Variants in NT5C2 observed in about 807,000 individuals in gnomAD.
The protein encoded by NT5C2 is cytosolic purine 5'-nucleotidase.
NT5C2 carries 58 observed loss-of-function variants against 76.1 expected under a neutral mutation model. The ratio of observed to expected loss-of-function variants is 0.76; its 90% confidence interval spans 0.62 to 0.95. The LOEUF is 0.95. Ranked by LOEUF, NT5C2 falls within the 40% of genes least tolerant of loss-of-function variation. NT5C2 has a pLI of 0.00. For missense variants in NT5C2, 478 were observed against 690.3 expected, an observed-to-expected ratio of 0.69 and a Z score of 3.45; for synonymous variants, 229 against 237.4, an observed-to-expected ratio of 0.96 and a Z score of 0.32.
At position 103,093,297 on chromosome 10, in the gene NT5C2, G is replaced by GT; in HGVS notation, c.1000dup (p.Thr334AsnfsTer4). The GT allele has an allele frequency of 6.3e-7, 1 of 1,582,890 alleles. No homozygotes were observed. The highest frequency in any genetic ancestry group is 1.2e-5 in the South Asian group (1 of 84,054). ...CTTGGCTCCCAACAGGTCACAGATC[G>GT]TATCAGAAGAACCTGAACCAACAGA... On this transcript the variant is annotated frameshift_variant, in exon 15 of 19. Coordinates refer to ENST00000404739, the MANE Select transcript of NT5C2 (RefSeq NM_001351169.2). LOFTEE classifies it high-confidence loss of function.
At chr10:103,101,365 A>G (rs757982300) in intron 6 of NT5C2, 39 bp from the exon 7 acceptor site, 10 of 1,134,100 alleles carry the variant, frequency 8.8e-6, no homozygotes, top group African/African-American at 1.6e-5. Context: ...TTTTTAAAAT[A>G]ACATTATAAT....
At chr10:103,165,081 G>A (rs12773916) in intron 3 of NT5C2, among the ~76,000 whole-genome samples, 16,289 of 152,248 alleles carry the variant, frequency 0.11, 1,136 homozygotes, top group Non-Finnish European at 0.15. Flanking sequence ...AGGTGTCACT[G>A]TGAAAATTTT....
chr10:103,168,742 T>C (rs966453023), intron 3 of NT5C2, among the ~76,000 whole-genome samples: 6 of 152,208 alleles, frequency 3.9e-5, no homozygotes, highest in East Asian at 1.9e-4. Flanking sequence ...CATCTCTATA[T>C]TGAAATTCAG....
At chr10:103,102,249 C>A (rs1028354181) in intron 6 of NT5C2, among the ~76,000 whole-genome samples, 3 of 152,038 alleles carry the variant, frequency 2.0e-5, no homozygotes, top group Non-Finnish European at 4.4e-5. Flanking sequence ...AAGCAGAGAC[C>A]TAGAAAAACA....
chr10:103,096,845 C>CAAA (rs71019656), intron 11 of NT5C2, among the ~76,000 whole-genome samples: 4,108 of 31,356 alleles, frequency 0.13, 463 homozygotes, highest in Non-Finnish European at 0.2. Flanking sequence ...GACTCTGTCT[C>CAAA]AAAAAAAAAA....
intron 3 of NT5C2, among the ~76,000 whole-genome samples, chr10:103,140,416 A>G (rs2080188263): frequency 6.6e-6 from 1 of 152,132 alleles, no homozygotes; most frequent in Non-Finnish European, 1.5e-5. Flanking sequence ...GTGTATATAT[A>G]CCACAATTTC....
Position 103,181,743 on chromosome 10 carries a change from G to A in NT5C2, c.-168-415C>T, listed in dbSNP as rs544236782. ...GTAAAGGCCTGGCGTGGTGGCTCAC[G>A]CCTGTAATCCTGGCACTTTGGGAGG... On this transcript the variant is annotated intron_variant, in intron 1 of 18. Coordinates refer to ENST00000404739, the MANE Select transcript of NT5C2 (RefSeq NM_001351169.2). Among the ~76,000 whole-genome samples the A allele has an allele frequency of 4.6e-5, 7 of 152,030 alleles. No homozygotes were observed. In the East Asian group the frequency reaches 7.7e-4, roughly 17 times the overall value.
chr10:103,108,555 A>C (rs1027455896), intron 4 of NT5C2, among the ~76,000 whole-genome samples: 3 of 152,224 alleles, frequency 2.0e-5, no homozygotes, highest in African/African-American at 7.2e-5. Flanking sequence ...GCCACGTAGG[A>C]AAGGAACTGA....
chr10:103,152,648 TC>T (rs1198637905), intron 3 of NT5C2, among the ~76,000 whole-genome samples: 2 of 152,188 alleles, frequency 1.3e-5, no homozygotes, highest in African/African-American at 4.8e-5. Context: ...ATTAACCAGG[TC>T]TAGTTATGCC....
chr10:103,192,744 C>G (rs971339064), intron 1 of NT5C2, among the ~76,000 whole-genome samples: 4 of 152,200 alleles, frequency 2.6e-5, no homozygotes, highest in Admixed American at 2.0e-4. Context: ...CCGAGGAGCT[C>G]TGGGGGCGGG....
chr10:103,170,944 A>G (rs976905631), intron 3 of NT5C2, among the ~76,000 whole-genome samples: 12 of 152,214 alleles, frequency 7.9e-5, no homozygotes, highest in African/African-American at 2.4e-4. Flanking sequence ...GTAAAGACCA[A>G]GCAAATAATT....
chr10:103,135,504 G>A (rs1345640950), intron 4 of NT5C2, among the ~76,000 whole-genome samples: 3 of 152,160 alleles, frequency 2.0e-5, no homozygotes, highest in African/African-American at 7.2e-5. Context: ...GTTGGGCTCG[G>A]TGGCTCACGC....
chr10:103,154,323 GTTTC>G (rs1336395649), intron 3 of NT5C2, among the ~76,000 whole-genome samples: 1 of 151,680 alleles, frequency 6.6e-6, no homozygotes, highest in African/African-American at 2.4e-5. Context: ...TACCATAAAG[GTTTC>G]TTTTTGTTAT....
chr10:103,163,433 C>T (rs1040289088), intron 3 of NT5C2, among the ~76,000 whole-genome samples: 14 of 152,136 alleles, frequency 9.2e-5, no homozygotes, highest in African/African-American at 3.4e-4. Flanking sequence ...ACATCCTTGG[C>T]AACACTTGAT....
chr10:103,161,651 G>A (rs1413642996), intron 3 of NT5C2, among the ~76,000 whole-genome samples: 1 of 152,064 alleles, frequency 6.6e-6, no homozygotes, highest in Non-Finnish European at 1.5e-5. Context: ...TTGAGCCCAT[G>A]AGTGTGAGGC....
chr10:103,186,421 T>C (rs1273480152), intron 1 of NT5C2, among the ~76,000 whole-genome samples: 1 of 152,236 alleles, frequency 6.6e-6, no homozygotes, highest in Admixed American at 6.5e-5. Flanking sequence ...CAAAACCTCA[T>C]AGCGTCCATT....
chr10:103,193,185 C>A, intron 1 of NT5C2, 51 bp downstream of exon 1: 1 of 152,392 alleles, frequency 6.6e-6, no homozygotes, highest in South Asian at 1.9e-4. Flanking sequence ...CCACCTAGCT[C>A]CCCGTTCGCC....
At chr10:103,101,435 C>T (rs1248087345) in intron 6 of NT5C2, 109 bp from the exon 7 acceptor site, 2 of 631,056 alleles carry the variant, frequency 3.2e-6, no homozygotes, top group East Asian at 2.8e-5. Flanking sequence ...ATGTGCAAGA[C>T]AGAATTCCGA....
At chr10:103,119,732 CAA>C (rs1459541260) in intron 4 of NT5C2, among the ~76,000 whole-genome samples, 10 of 152,142 alleles carry the variant, frequency 6.6e-5, no homozygotes, top group Admixed American at 6.5e-4. Flanking sequence ...CTTAATTCAT[CAA>C]AGAGTTTCAT....
Sources: allele counts gnomAD v4.1 joint callset (sites outside exome capture counted in the v4.1 genomes callset), GRCh38; gene constraint gnomAD v4.1.1; transcripts MANE v1.5; gene names NCBI Gene and HGNC (gene_info 2026-07-23, HGNC 2026-07-21).